Variants in ASIC2 observed in about 807,000 individuals in gnomAD.
ASIC2 encodes acid-sensing ion channel 2.
ASIC2 carries 25 observed loss-of-function variants against 57.3 expected under a neutral mutation model. The ratio of observed to expected loss-of-function variants is 0.44; its 90% CI spans 0.32 to 0.61. ASIC2 has a LOEUF of 0.61. ASIC2 is among the 20% of genes least tolerant of loss of function. The probability of loss-of-function intolerance (pLI) is 0.06; values close to 1 mark genes in which losing one functional copy is unlikely to be tolerated. For synonymous variants in ASIC2, 319 were observed against 307.5 expected, an observed-to-expected ratio of 1.04 and a Z score of -0.39; for missense variants, 641 against 738.1, an observed-to-expected ratio of 0.87 and a Z score of 1.52.
chr17:34,039,736 C>T lies in ASIC2; in HGVS notation c.555+116242G>A. Reference sequence around the variant, plus strand: ...CTTGGGAGTCTCTACTTCTTTATCACTCAAGGATCCGACGCTGCACAAGCT... The same window carrying T: ...CTTGGGAGTCTCTACTTCTTTATCATTCAAGGATCCGACGCTGCACAAGCT... On this transcript the variant is annotated intron_variant, in intron 1 of 9. Transcript: ENST00000359872. 5 of 1,612,434 alleles carry T rather than the reference C, an allele frequency of 3.1e-6. No homozygotes were observed. In the South Asian group the frequency reaches 5.5e-5, roughly 18 times the overall value.
At chr17:33,315,693 A>G (rs1210619916) in intron 1 of ASIC2, among the ~76,000 whole-genome samples, 1 of 152,230 alleles carries the variant, frequency 6.6e-6, no homozygotes, top group Non-Finnish European at 1.5e-5. Context: ...CTCTTAAGAA[A>G]TGTATAATGC....
chr17:33,614,447 C>T (rs895038299), intron 1 of ASIC2, among the ~76,000 whole-genome samples: 5 of 152,216 alleles, frequency 3.3e-5, no homozygotes, highest in Admixed American at 2.6e-4. Context: ...CAACCCTGCA[C>T]AGCCAGATCT....
chr17:34,073,684 CTACTT>C (rs1242489453), intron 1 of ASIC2, among the ~76,000 whole-genome samples: 1 of 152,158 alleles, frequency 6.6e-6, no homozygotes, highest in Non-Finnish European at 1.5e-5. Flanking sequence ...TTTGACTTAC[CTACTT>C]TATTTTCTTG....
chr17:33,765,163 T>C (rs1458416881), intron 1 of ASIC2, among the ~76,000 whole-genome samples: 1 of 152,162 alleles, frequency 6.6e-6, no homozygotes, highest in Non-Finnish European at 1.5e-5. Flanking sequence ...TAGAGTGCAG[T>C]GGCGCTATCT....
At chr17:33,503,314 G>T (rs1320820395) in intron 1 of ASIC2, among the ~76,000 whole-genome samples, 1 of 152,086 alleles carries the variant, frequency 6.6e-6, no homozygotes, top group African/African-American at 2.4e-5. Flanking sequence ...CTGTCCTGGG[G>T]CTATTGCTGC....
chr17:33,212,728 T>C (rs1294051164), intron 1 of ASIC2, among the ~76,000 whole-genome samples: 1 of 152,220 alleles, frequency 6.6e-6, no homozygotes, highest in Non-Finnish European at 1.5e-5. Flanking sequence ...ACAGGAGGTC[T>C]GAGCAGGGGC....
At chr17:33,886,948 AAACT>A (rs1456288720) in intron 1 of ASIC2, among the ~76,000 whole-genome samples, 13 of 148,228 alleles carry the variant, frequency 8.8e-5, no homozygotes, top group Admixed American at 3.4e-4. Flanking sequence ...ACAAACAAAC[AAACT>A]AACAAAAAAA....
chr17:33,653,080 TATA>T (rs1258608194), intron 1 of ASIC2, among the ~76,000 whole-genome samples: 1 of 152,232 alleles, frequency 6.6e-6, no homozygotes, highest in African/African-American at 2.4e-5. Flanking sequence ...TCAAGGGTGT[TATA>T]AAGATAAAGT....
intron 1 of ASIC2, chr17:34,155,846 C>G: frequency 2.0e-6 from 2 of 1,010,308 alleles, no homozygotes; most frequent in South Asian, 1.7e-5. Context: ...CAACTACCCT[C>G]GTGGCCTTCA....
chr17:34,065,125 C>A (rs1909123279), intron 1 of ASIC2, among the ~76,000 whole-genome samples: 1 of 152,066 alleles, frequency 6.6e-6, no homozygotes, highest in South Asian at 2.1e-4. Context: ...TAGAACCAAC[C>A]CAAATGCCCA....
At chr17:33,604,393 T>A (rs1047067664) in intron 1 of ASIC2, among the ~76,000 whole-genome samples, 4 of 152,114 alleles carry the variant, frequency 2.6e-5, no homozygotes, top group Admixed American at 1.3e-4. Context: ...TCTAGCTCCT[T>A]GGGTGCCCTG....
intron 1 of ASIC2, among the ~76,000 whole-genome samples, chr17:33,537,410 C>T (rs1247248935): frequency 5.9e-5 from 9 of 152,186 alleles, no homozygotes; most frequent in Non-Finnish European, 1.2e-4. Context: ...CCTGCCACAG[C>T]ACGTGCTTCC....
chr17:33,844,385 C>T (rs1475943358), intron 1 of ASIC2, among the ~76,000 whole-genome samples: 1 of 152,180 alleles, frequency 6.6e-6, no homozygotes, highest in African/African-American at 2.4e-5. Context: ...GAGTCATAAC[C>T]TTCAAGACAT....
intron 1 of ASIC2, among the ~76,000 whole-genome samples, chr17:33,809,761 A>C (rs1912367267): frequency 6.6e-6 from 1 of 152,316 alleles, no homozygotes; most frequent in South Asian, 2.1e-4. Flanking sequence ...TGGTCTTAGA[A>C]TTTTATTTAG....
intron 1 of ASIC2, among the ~76,000 whole-genome samples, chr17:34,089,546 A>T (rs1232538268): frequency 4.6e-5 from 7 of 152,062 alleles, no homozygotes; most frequent in Admixed American, 3.9e-4. Context: ...GTGAACTCCA[A>T]CTCCACTTGC....
intron 1 of ASIC2, among the ~76,000 whole-genome samples, chr17:33,337,760 A>C (rs1907572259): frequency 6.6e-6 from 1 of 151,230 alleles, no homozygotes; most frequent in East Asian, 2.0e-4. Flanking sequence ...AAGAAAATGT[A>C]AGTGTTCCTT....
chr17:33,350,759 A>T (rs1045221328), intron 1 of ASIC2, among the ~76,000 whole-genome samples: 2 of 149,114 alleles, frequency 1.3e-5, no homozygotes, highest in Non-Finnish European at 3.0e-5. Flanking sequence ...CCTCAGCAAC[A>T]CCTAACCTTC....
intron 1 of ASIC2, among the ~76,000 whole-genome samples, chr17:33,182,774 T>C (rs915078478): frequency 1.3e-5 from 2 of 152,182 alleles, no homozygotes; most frequent in African/African-American, 4.8e-5. Flanking sequence ...AGTTGCAGGC[T>C]CTTCACTCTG....
chr17:33,290,961 CTT>C (rs34352956), intron 1 of ASIC2: 29,213 of 124,300 alleles, frequency 0.24, 3,275 homozygotes, highest in East Asian at 0.4. Context: ...CAAGCGCTTC[CTT>C]TTTTTTTTTT....
Sources: gnomAD v4.1 joint callset for allele counts (sites outside exome capture counted in the v4.1 genomes callset) on GRCh38, gnomAD v4.1.1 for gene constraint, MANE v1.5 for transcripts, NCBI Gene and HGNC (gene_info 2026-07-23, HGNC 2026-07-21) for gene names.